The following FAF1 variants were observed in gnomAD, a reference collection of about 807,000 sequenced individuals.
FAF1 encodes FAS-associated factor 1.
A neutral mutation model predicts 92.5 loss-of-function variants in FAF1; 25 were observed. The observed-to-expected ratio is 0.27, with a 90% CI of 0.20 to 0.38. FAF1 has a LOEUF of 0.38. Ranked by LOEUF, FAF1 falls within the 10% of genes least tolerant of loss-of-function variation. The probability of loss-of-function intolerance (pLI) is 1.00; values close to 1 mark genes in which losing one functional copy is unlikely to be tolerated. For synonymous variants in FAF1, 234 were observed against 273.2 expected (o/e 0.86, Z 1.42); for missense variants, 636 against 793.3 (o/e 0.80, Z 2.38).
intron 18 of FAF1, among the ~76,000 whole-genome samples, chr1:50,464,557 A>G (rs763216229): frequency 1.3e-5 from 2 of 152,250 alleles, no homozygotes; most frequent in Non-Finnish European, 2.9e-5. Context: ...TGCAACTGGC[A>G]AAGTGCAAGT....
chr1:50,706,005 G>T, intron 6 of FAF1, 114 bp from the exon 7 acceptor site: 2 of 581,086 alleles, frequency 3.4e-6, no homozygotes, highest in Non-Finnish European at 3.1e-6. Context: ...GCATGTCTGG[G>T]CCCAATGTTA....
At chr1:50,574,766 C>G (rs940869602) in intron 12 of FAF1, among the ~76,000 whole-genome samples, 4 of 151,742 alleles carry the variant, frequency 2.6e-5, no homozygotes, top group African/African-American at 9.7e-5. Flanking sequence ...ATAAGAATTA[C>G]AATGATTTAT....
At chr1:50,617,228 G>A (rs918684866) in intron 8 of FAF1, among the ~76,000 whole-genome samples, 2 of 152,142 alleles carry the variant, frequency 1.3e-5, no homozygotes, top group African/African-American at 4.8e-5. Flanking sequence ...AGTTCTCAAG[G>A]GAAATGGTCC....
At chr1:50,884,361 GA>G (rs990321684) in intron 1 of FAF1, among the ~76,000 whole-genome samples, 42 of 143,996 alleles carry the variant, frequency 2.9e-4, no homozygotes, top group Middle Eastern at 7.4e-3. Context: ...TAAAAAAAAA[GA>G]AAAAAAAAAT....
intron 1 of FAF1, among the ~76,000 whole-genome samples, chr1:50,907,221 G>A (rs958606106): frequency 6.6e-5 from 10 of 152,186 alleles, no homozygotes; most frequent in Admixed American, 2.6e-4. Context: ...TGCATCCTAC[G>A]GATGAAGACA....
At position 50,768,600 on chromosome 1, in the gene FAF1, G is replaced by T. The variant is rs141744516; in HGVS notation, c.367+19400C>A. 2.6e-4 allele frequency among the ~76,000 whole-genome samples: 39 copies of T among 152,050 alleles called. No individual in the cohort carries two copies. In the East Asian group the frequency reaches 5.4e-3, roughly 21 times the overall value. ...ATAGCAATCACACTACTGAACCAGT[G>T]CAATAAAAATAGAAATTGATAGTAA... On this transcript the variant is annotated intron_variant, in intron 4 of 18. Transcript: ENST00000396153.
At position 50,527,391 on chromosome 1, in the gene FAF1, C is replaced by T. The variant is rs113512950; in HGVS notation, c.1494+7978G>A. ...TTCTTTATATATTCCAGATACAAGT[C>T]CCTTATTATTAGATTAATGATTTAC... On this transcript the variant is annotated intron_variant, in intron 15 of 18. Coordinates refer to ENST00000396153, the MANE Select transcript of FAF1 (RefSeq NM_007051.3). Among the ~76,000 whole-genome samples the T allele has an allele frequency of 6.0e-3, 914 of 152,146 alleles. 6 individuals carry two copies. The highest frequency in any genetic ancestry group is 9.8e-3 in the Non-Finnish European group (666 of 68,006).
chr1:50,851,315 C>T (rs1487501202), intron 2 of FAF1, among the ~76,000 whole-genome samples: 1 of 152,100 alleles, frequency 6.6e-6, no homozygotes, highest in Non-Finnish European at 1.5e-5. Context: ...CTAAGTGACC[C>T]ACTCGCATTG....
Position 50,583,691 on chromosome 1 carries a change from C to T in FAF1, c.992G>A (p.Gly331Glu). 1 of 1,573,810 alleles carries T rather than the reference C, an allele frequency of 6.4e-7. No homozygotes were observed. Among genetic ancestry groups the T allele is most frequent in the Non-Finnish European group, 8.6e-7 (1 of 1,156,582 alleles). The change falls in exon 11 of 19, where the codon GGA becomes GAA. Residue 331 changes from glycine (G) to glutamate (E), a missense_variant. Gly to Glu is a moderately conservative substitution (Grantham distance 98). Coordinates refer to ENST00000396153, the MANE Select transcript of FAF1 (RefSeq NM_007051.3). The surrounding 1 kb of genome is among the most constrained non-coding windows in gnomAD (Gnocchi z 4.2). ...PMMPENAENE[G>E]DALLQFTAEF... is the part of the protein sequence containing the mutation. ...TGCTGTAAATTGTAATAAGGCATCT[C>T]CTTCATTTTCTGCGTTTTCTGGCAC...
intron 1 of FAF1, among the ~76,000 whole-genome samples, chr1:50,868,865 T>G (rs1241949397): frequency 6.6e-6 from 1 of 152,208 alleles, no homozygotes; most frequent in Non-Finnish European, 1.5e-5. Flanking sequence ...ATGTGTATTC[T>G]ATCTGTTATT....
intron 4 of FAF1, among the ~76,000 whole-genome samples, chr1:50,777,002 C>A (rs12084257): frequency 6.6e-6 from 1 of 151,842 alleles, no homozygotes; most frequent in Non-Finnish European, 1.5e-5. Context: ...GCTCATACCT[C>A]TAATCCTAGC....
chr1:50,879,055 G>C (rs1348469568), intron 1 of FAF1, among the ~76,000 whole-genome samples: 1 of 152,130 alleles, frequency 6.6e-6, no homozygotes, highest in African/African-American at 2.4e-5. Context: ...AAACAAGCCT[G>C]ACCAACATGG....
At chr1:50,554,390 T>TAGAGAGAGAGAG (rs34360366) in intron 13 of FAF1, among the ~76,000 whole-genome samples, 38 of 93,654 alleles carry the variant, frequency 4.1e-4, no homozygotes, top group Non-Finnish European at 5.4e-4. Flanking sequence ...TATATATATA[T>TAGAGAGAGAGAG]AGAGAGAGAG....
At chr1:50,672,015 CTTTCT>C (rs1393586341) in intron 7 of FAF1, among the ~76,000 whole-genome samples, 4 of 106,362 alleles carry the variant, frequency 3.8e-5, no homozygotes, top group Non-Finnish European at 7.9e-5. Context: ...CCAGGGTGGT[CTTTCT>C]TTTTTTTTTT....
chr1:50,590,846 G>A (rs1651467673), intron 9 of FAF1, among the ~76,000 whole-genome samples: 2 of 152,110 alleles, frequency 1.3e-5, no homozygotes, highest in Admixed American at 6.5e-5. Context: ...GCCAGGTGTG[G>A]TGGTGTACTC....
intron 18 of FAF1, among the ~76,000 whole-genome samples, chr1:50,448,002 G>C (rs1394571030): frequency 6.6e-6 from 1 of 152,206 alleles, no homozygotes; most frequent in Non-Finnish European, 1.5e-5. Flanking sequence ...TTTTAGAAGT[G>C]TGAGGGCGAG....
intron 1 of FAF1, among the ~76,000 whole-genome samples, chr1:50,937,002 G>A (rs1014569631): frequency 1.3e-5 from 2 of 152,142 alleles, no homozygotes; most frequent in Middle Eastern, 3.4e-3. Context: ...TTCCTACAGA[G>A]AATCATCTCT....
At chr1:50,520,350 A>T (rs1404406705) in intron 15 of FAF1, among the ~76,000 whole-genome samples, 1 of 152,234 alleles carries the variant, frequency 6.6e-6, no homozygotes, top group East Asian at 1.9e-4. Flanking sequence ...TAAAAGTGAC[A>T]TGTCAAAAAT....
intron 2 of FAF1, among the ~76,000 whole-genome samples, chr1:50,839,032 T>C (rs1168236851): frequency 6.6e-6 from 1 of 152,136 alleles, no homozygotes; most frequent in Non-Finnish European, 1.5e-5. Flanking sequence ...TGACCTCAGG[T>C]ACTGCTTTTT....
Sources: gnomAD v4.1 joint callset for allele counts (sites outside exome capture counted in the v4.1 genomes callset) on GRCh38, gnomAD v4.1.1 for gene constraint, Gnocchi (gnomAD v3.1) non-coding constraint, MANE v1.5 for transcripts, NCBI Gene and HGNC (gene_info 2026-07-23, HGNC 2026-07-21) for gene names.